The following SNX8 variants were observed in gnomAD, a reference collection of about 807,000 sequenced individuals.
SNX8 encodes the protein sorting nexin 8.
A neutral mutation model predicts 51.6 loss-of-function variants in SNX8; 25 were observed. The ratio of observed to expected loss-of-function variants is 0.48; its 90% CI spans 0.35 to 0.68. SNX8 has a LOEUF of 0.68. Among genes scored for constraint, SNX8 ranks in the 30% least tolerant of loss-of-function variants. SNX8 has a pLI of 0.00. For missense variants in SNX8, 695 were observed against 624.0 expected (o/e 1.11, Z -1.21); for synonymous variants, 324 against 277.0 (o/e 1.17, Z -1.68).
At chr7:2,314,454 C>T, upstream of SNX8, 1 of 1,201,830 alleles carries the variant, frequency 8.3e-7, no homozygotes, top group Admixed American at 4.4e-5. Context: ...CTTCCTCCCG[C>T]GCCACCCGGC....
Position 2,302,106 on chromosome 7 carries a change from GACGGTCTCCCTCTCCCTCTCTTTCC to G in SNX8, c.94+12197_94+12221del, listed in dbSNP as rs1384515783. ...AAAAAAATACCCTCTCCCCTCTCCCGACGGTCTCCCTCTCCCTCTCTTTCCACGGTCTCCCTCTGATGCCGAGCCG... is the reference window on the plus strand; with the variant it reads ...AAAAAAATACCCTCTCCCCTCTCCCGACGGTCTCCCTCTGATGCCGAGCCG... On this transcript the variant is annotated intron_variant, in intron 1 of 10. Coordinates refer to ENST00000222990, the MANE Select transcript of SNX8 (RefSeq NM_013321.4). Among the ~76,000 whole-genome samples the G allele has an allele frequency of 4.0e-3, 614 of 151,744 alleles. 1 individual carries two copies. The highest frequency in any genetic ancestry group is 0.013 in the African/African-American group (553 of 41,336).
intron 1 of SNX8, among the ~76,000 whole-genome samples, chr7:2,327,654 G>A (rs927704053): frequency 1.8e-4 from 27 of 151,254 alleles, no homozygotes; most frequent in East Asian, 3.9e-4. Flanking sequence ...TGATCCGCCC[G>A]CCTCGGCCTC....
At chr7:2,319,814 C>CA (rs35408698) in intron 1 of SNX8, among the ~76,000 whole-genome samples, 28,891 of 78,220 alleles carry the variant, frequency 0.37, 3,984 homozygotes, top group Middle Eastern at 0.49. Context: ...GACTCCGTCT[C>CA]AAAAAAAAAA....
Position 2,257,741 on chromosome 7 carries a change from G to C in SNX8, c.978C>G (p.Ser326=), listed in dbSNP as rs767233412. The change falls in exon 8 of 11, where the codon TCC becomes TCG. Residue 326 remains serine (S), a synonymous_variant. Coordinates refer to ENST00000222990, the MANE Select transcript of SNX8 (RefSeq NM_013321.4). ...AGGAGCAGCCAAGACTCACCTTATAGGACTGCAGCAGATCCAAGAAGAGGT... is the reference window on the plus strand; with the variant it reads ...AGGAGCAGCCAAGACTCACCTTATACGACTGCAGCAGATCCAAGAAGAGGT... ...KLNLFLDLLQ[S]YKDLCERHEK... 1.2e-6 allele frequency: 2 copies of C among 1,613,826 alleles called. No homozygotes were observed. Among genetic ancestry groups the C allele is most frequent in the Non-Finnish European group, 1.7e-6 (2 of 1,179,804 alleles).
intron 1 of SNX8, among the ~76,000 whole-genome samples, chr7:2,340,490 A>C (rs1165132078): frequency 7.0e-6 from 1 of 142,760 alleles, no homozygotes; most frequent in Non-Finnish European, 1.5e-5. Flanking sequence ...CTGTTCTTTT[A>C]ATGGTTATTC....
intron 1 of SNX8, among the ~76,000 whole-genome samples, chr7:2,310,462 A>G (rs1360626252): frequency 2.6e-5 from 4 of 152,198 alleles, no homozygotes; most frequent in Admixed American, 6.5e-5. Context: ...TCTCTACAAA[A>G]AATTTTAAAA....
intron 1 of SNX8, among the ~76,000 whole-genome samples, chr7:2,334,792 C>A (rs1397688138): frequency 6.8e-6 from 1 of 147,554 alleles, no homozygotes; most frequent in Non-Finnish European, 1.5e-5. Flanking sequence ...TCACCTGATC[C>A]CAGAAGTTGA....
chr7:2,352,902 T>C (rs1164696278), intron 1 of SNX8, among the ~76,000 whole-genome samples: 3 of 152,098 alleles, frequency 2.0e-5, no homozygotes, highest in Non-Finnish European at 4.4e-5. Flanking sequence ...AGGCATTAAG[T>C]GACCTGCCCA....
At chr7:2,269,336 A>G (rs1584681197) in intron 5 of SNX8, among the ~76,000 whole-genome samples, 1 of 150,616 alleles carries the variant, frequency 6.6e-6, no homozygotes. Context: ...AAGAGTCATC[A>G]CCACTCCCTA....
chr7:2,308,405 C>T (rs544512497), intron 1 of SNX8, among the ~76,000 whole-genome samples: 1 of 152,214 alleles, frequency 6.6e-6, no homozygotes, highest in East Asian at 1.9e-4. Flanking sequence ...CGGTGGCTCA[C>T]ACCTGTAATC....
chr7:2,340,093 C>G (rs1224943312), intron 1 of SNX8, among the ~76,000 whole-genome samples: 1 of 151,098 alleles, frequency 6.6e-6, no homozygotes, highest in Middle Eastern at 3.4e-3. Flanking sequence ...GACAGAGTTC[C>G]GCTCTTATTG....
chr7:2,344,077 G>A (rs1310178836), intron 1 of SNX8, among the ~76,000 whole-genome samples: 2 of 150,752 alleles, frequency 1.3e-5, no homozygotes, highest in Admixed American at 6.6e-5. Flanking sequence ...GGTGCCGTGC[G>A]CCTGTAGTCC....
chr7:2,294,920 C>T (rs1377487525), intron 1 of SNX8, among the ~76,000 whole-genome samples: 2 of 152,028 alleles, frequency 1.3e-5, no homozygotes, highest in East Asian at 1.9e-4. Flanking sequence ...GTCCCAGCTA[C>T]TTGGGAAGCT....
chr7:2,344,520 G>C (rs1369108531), intron 1 of SNX8, among the ~76,000 whole-genome samples: 1 of 151,314 alleles, frequency 6.6e-6, no homozygotes, highest in Non-Finnish European at 1.5e-5. Context: ...GCTGAGGCAG[G>C]AGAATCTTGT....
intron 1 of SNX8, among the ~76,000 whole-genome samples, chr7:2,333,878 C>T (rs886415578): frequency 3.3e-5 from 5 of 151,800 alleles, no homozygotes; most frequent in East Asian, 1.9e-4. Flanking sequence ...GGCTCATGCC[C>T]GTAATCCCAG....
At chr7:2,281,573 C>CT (rs1795907236) in intron 1 of SNX8, among the ~76,000 whole-genome samples, 2 of 152,146 alleles carry the variant, frequency 1.3e-5, no homozygotes, top group Admixed American at 1.3e-4. Context: ...CTTCAATACT[C>CT]TATCAAACTG....
chr7:2,312,087 G>A (rs1244913849), intron 1 of SNX8, among the ~76,000 whole-genome samples: 1 of 152,102 alleles, frequency 6.6e-6, no homozygotes, highest in Non-Finnish European at 1.5e-5. Flanking sequence ...GTGAAGCACT[G>A]CCTTGTCCCA....
At chr7:2,346,549 C>T (rs540819046) in intron 1 of SNX8, among the ~76,000 whole-genome samples, 1 of 151,436 alleles carries the variant, frequency 6.6e-6, no homozygotes, top group Admixed American at 6.6e-5. Flanking sequence ...AGATCGAGAC[C>T]ATCCTGGCTA....
At chr7:2,307,021 A>T (rs1276639823) in intron 1 of SNX8, among the ~76,000 whole-genome samples, 1 of 152,110 alleles carries the variant, frequency 6.6e-6, no homozygotes, top group Non-Finnish European at 1.5e-5. Flanking sequence ...CATAACACAC[A>T]AACTTCAAAA....
Sources: allele counts gnomAD v4.1 joint callset (sites outside exome capture counted in the v4.1 genomes callset), GRCh38; gene constraint gnomAD v4.1.1; transcripts MANE v1.5; gene names NCBI Gene and HGNC (gene_info 2026-07-23, HGNC 2026-07-21).